The following ZCCHC14 variants were observed in gnomAD, a reference collection of about 807,000 sequenced individuals.
ZCCHC14 encodes zinc finger CCHC-type containing 14.
ZCCHC14 carries 16 observed loss-of-function variants against 85.0 expected under a neutral mutation model. The ratio of observed to expected loss-of-function variants is 0.19; its 90% CI spans 0.13 to 0.29. ZCCHC14 has a LOEUF of 0.29. Ranked by LOEUF, ZCCHC14 falls within the 10% of genes least tolerant of loss-of-function variation. The pLI is 1.00. For missense variants in ZCCHC14, 1,303 were observed against 1,443.5 expected (o/e 0.90, Z 1.58); for synonymous variants, 775 against 630.7 (o/e 1.23, Z -3.43).
chr16:87,463,234 T>C, intron 1 of ZCCHC14, among the ~76,000 whole-genome samples: 1 of 152,056 alleles, frequency 6.6e-6, no homozygotes, highest in African/African-American at 2.4e-5. Context: ...ACACAAAAAT[T>C]AGCTGGGTGT....
At chr16:87,477,571 C>T (rs1355305560) in intron 1 of ZCCHC14, among the ~76,000 whole-genome samples, 1 of 152,200 alleles carries the variant, frequency 6.6e-6, no homozygotes, top group Non-Finnish European at 1.5e-5. Flanking sequence ...TTTAACTTCA[C>T]ATAATAAAAA....
At chr16:87,469,293 G>A (rs79939106) in intron 1 of ZCCHC14, among the ~76,000 whole-genome samples, 9,675 of 152,276 alleles carry the variant, frequency 0.064, 389 homozygotes, top group Non-Finnish European at 0.1. Flanking sequence ...TGCAGTACGT[G>A]ACGTACACAG....
In ZCCHC14 at chr16:87,412,177, G is replaced by C. The variant is rs1405895499; in HGVS notation, c.2544C>G (p.Ser848Arg). 1.2e-6 allele frequency: 2 copies of C among 1,613,912 alleles called. No homozygotes were observed. Among genetic ancestry groups the C allele is most frequent in the Non-Finnish European group, 8.5e-7 (1 of 1,180,044 alleles). The change falls in exon 12 of 13, where the codon AGC becomes AGG. Residue 848 changes from serine (S) to arginine (R), a missense_variant. Ser to Arg is a moderately radical substitution (Grantham distance 110). Around this residue, in one of 7 missense-constraint regions of ZCCHC14, gnomAD observed 797 missense variants for 730.8 expected, o/e 1.09. Transcript: ENST00000671377. Reference sequence around the variant, plus strand: ...TGTTGGCAAAGGACGTGGAGGGGTGGCTGCTGGGAGAGGCAGTGTTGCTGT... The same window carrying C: ...TGTTGGCAAAGGACGTGGAGGGGTGCCTGCTGGGAGAGGCAGTGTTGCTGT... ...CANSNTASPS[S>R]HPSTSFANMA...
chr16:87,414,682 G>T, intron 9 of ZCCHC14, 141 bp from the exon 10 acceptor site: 1 of 1,200,830 alleles, frequency 8.3e-7, no homozygotes, highest in Non-Finnish European at 1.1e-6. Flanking sequence ...CCACACCACA[G>T]GGAAATTCCC....
At chr16:87,479,385 C>G (rs1912165449) in intron 1 of ZCCHC14, among the ~76,000 whole-genome samples, 1 of 150,740 alleles carries the variant, frequency 6.6e-6, no homozygotes, top group Admixed American at 6.6e-5. Flanking sequence ...CCATTGCACT[C>G]CAGCCTGGGT....
At chr16:87,418,763 C>T in intron 7 of ZCCHC14, 84 bp downstream of exon 7, 1 of 1,377,340 alleles carries the variant, frequency 7.3e-7, no homozygotes, top group South Asian at 1.2e-5. Context: ...TGACTTAATT[C>T]TTGGAACAAC....
rs754935503 is a variant in ZCCHC14, at chr16:87,460,034, T to C, written c.668A>G (p.Lys223Arg). ...SAHSTEESLP[K>R]RPLGKHSKVS... is the part of the protein sequence containing the mutation. ...TTTGCTGTGTTTTCCTAAGGGCCTC[T>C]TGGGCAGCGACTCCTCCGTGGAATG... Residue 223 changes from lysine (K) to arginine (R), a missense_variant, in exon 2 of 13, where the codon AAG (lysine) becomes AGG (arginine). Lys to Arg is a conservative substitution (Grantham distance 26). This residue lies in a region of ZCCHC14 where 389 missense variants were observed against 397.8 expected (regional missense o/e 0.98). Coordinates refer to ENST00000671377, the MANE Select transcript of ZCCHC14 (RefSeq NM_015144.3). 3.1e-6 allele frequency: 5 copies of C among 1,614,152 alleles called. No individual in the cohort carries two copies. The East Asian group carries it at 8.9e-5, about 29-fold the overall frequency.
chr16:87,478,752 G>A (rs1912135947), intron 1 of ZCCHC14, among the ~76,000 whole-genome samples: 3 of 151,870 alleles, frequency 2.0e-5, no homozygotes, highest in South Asian at 2.1e-4. Flanking sequence ...GATAACAGGC[G>A]CCCGCCACCA....
rs75704688 is a variant in ZCCHC14 at position 87,448,309 on chromosome 16, T to G, written c.694+11699A>C. ...AGTCCAATGTTAGCCTGATTCTGGT[T>G]TCTTCACAGGTGAAATCTGTTTTGT... On this transcript the variant is annotated intron_variant, in intron 2 of 12. Transcript: ENST00000671377. 1.1e-4 allele frequency among the ~76,000 whole-genome samples: 17 copies of G among 152,334 alleles called. No homozygotes were observed. In the East Asian group the frequency reaches 2.9e-3, roughly 26 times the overall value.
intron 2 of ZCCHC14, among the ~76,000 whole-genome samples, chr16:87,440,167 A>AT (rs957078108): frequency 2.9e-3 from 424 of 145,136 alleles, no homozygotes; most frequent in African/African-American, 7.7e-3. Flanking sequence ...TATGTTTACA[A>AT]TTTTTTTTTT....
intron 2 of ZCCHC14, among the ~76,000 whole-genome samples, chr16:87,458,121 G>A (rs1911065839): frequency 6.6e-6 from 1 of 152,112 alleles, no homozygotes; most frequent in Non-Finnish European, 1.5e-5. Flanking sequence ...AAAAGAATGG[G>A]GATGTCAATA....
chr16:87,460,417 C>T lies in ZCCHC14; in HGVS notation c.571-286G>A, dbSNP rs147534990. On this transcript the variant is annotated intron_variant, in intron 1 of 12. Coordinates refer to ENST00000671377, the MANE Select transcript of ZCCHC14 (RefSeq NM_015144.3). ...CTATGGTAGCCAAAGAGGCCGGGCA[C>T]GGTGGCTCACGCCTGTTATCCCAGC... 2.1e-3 allele frequency among the ~76,000 whole-genome samples: 315 copies of T among 152,160 alleles called. 5 individuals are homozygous for T. Among genetic ancestry groups the T allele is most frequent in the Admixed American group, 0.019 (284 of 15,268 alleles).
rs1001417632 is a variant in ZCCHC14 at position 87,491,371 on chromosome 16, G to C, written c.570+298C>G. Among the ~76,000 whole-genome samples, 1 of 152,162 alleles carries C rather than the reference G, an allele frequency of 6.6e-6. No individual in the cohort carries two copies. Among genetic ancestry groups the C allele is most frequent in the African/African-American group, 2.4e-5 (1 of 41,424 alleles). On this transcript the variant is annotated intron_variant, in intron 1 of 12. Transcript: ENST00000671377. This position sits in a 1 kb window ranked among gnomAD's most constrained non-coding sequence, Gnocchi z 5.9. Reference sequence around the variant, plus strand: ...AGTGCAGACTTAGGGTGAGGAGTGCGGGCTTAGGATGGGGGCTTGGGATGT... The same window carrying C: ...AGTGCAGACTTAGGGTGAGGAGTGCCGGCTTAGGATGGGGGCTTGGGATGT...
chr16:87,412,487 G>C lies in ZCCHC14; in HGVS notation c.2234C>G (p.Thr745Arg). 6.2e-7 allele frequency: 1 copy of C among 1,614,024 alleles called. No individual in the cohort carries two copies. Among genetic ancestry groups the C allele is most frequent in the Non-Finnish European group, 8.5e-7 (1 of 1,180,020 alleles). ...HASTLDRVLK[T>R]AQQPALVVET... Reference sequence around the variant, plus strand: ...CACGACCAGGGCCGGTTGCTGTGCTGTCTTCAGCACCCTGTCCAGCGTGGA... The same window carrying C: ...CACGACCAGGGCCGGTTGCTGTGCTCTCTTCAGCACCCTGTCCAGCGTGGA... Residue 745 changes from threonine to arginine, a missense_variant, in exon 12 of 13, where the codon ACA becomes AGA. Transcript: ENST00000671377.
rs1212436471 is a variant in ZCCHC14, at chr16:87,417,976, A to C, written c.1101-234T>G. ...CATGTCTGTGCACACGTGTGCATAC[A>C]GGCGGCTGTGCATATACACACACAT... On this transcript the variant is annotated intron_variant, in intron 7 of 12. Transcript: ENST00000671377. 5 of 539,424 alleles carry C rather than the reference A, an allele frequency of 9.3e-6. No individual in the cohort carries two copies. The East Asian group carries it at 1.4e-4, about 15-fold the overall frequency. The allele number at this position is 539,424 out of a possible 1,614,324, so 33.4% of individuals were successfully genotyped here.
intron 1 of ZCCHC14, among the ~76,000 whole-genome samples, chr16:87,480,169 T>A (rs1264305980): frequency 6.6e-6 from 1 of 152,070 alleles, no homozygotes; most frequent in African/African-American, 2.4e-5. Context: ...TTTGGGAGGC[T>A]GAGGCAGGCG....
At chr16:87,443,789 C>T (rs1910298045) in intron 2 of ZCCHC14, among the ~76,000 whole-genome samples, 1 of 151,924 alleles carries the variant, frequency 6.6e-6, no homozygotes, top group African/African-American at 2.4e-5. Context: ...ATAATCCCAG[C>T]ACTTTGGGAG....
rs1397195153 is a variant in ZCCHC14, at chr16:87,423,879, G to C, written c.771C>G (p.Val257=). The C allele has an allele frequency of 2.5e-6, 4 of 1,613,842 alleles. No homozygotes were observed. Among genetic ancestry groups the C allele is most frequent in the Non-Finnish European group, 3.4e-6 (4 of 1,179,948 alleles). ...NDRNVECSFE[V]LWSDSSITSV... ...ATGTTATTGAAGAATCAGACCACAA[G>C]ACCTTAAAAACAAACAAACAAACAA... The change falls in exon 4 of 13, where the codon GTC becomes GTG. Residue 257 remains valine (V), a splice_region_variant and synonymous_variant. Coordinates refer to ENST00000671377, the MANE Select transcript of ZCCHC14 (RefSeq NM_015144.3).
At chr16:87,458,339 C>T (rs1258595687) in intron 2 of ZCCHC14, among the ~76,000 whole-genome samples, 1 of 152,158 alleles carries the variant, frequency 6.6e-6, no homozygotes, top group Non-Finnish European at 1.5e-5. Context: ...CAAGTGTCCG[C>T]TCTGGGGTTG....
Sources: allele counts gnomAD v4.1 joint callset (sites outside exome capture counted in the v4.1 genomes callset), GRCh38; gene constraint gnomAD v4.1.1; regional missense constraint gnomAD v4.1.1; non-coding constraint Gnocchi (gnomAD v3.1); transcripts MANE v1.5; gene names NCBI Gene and HGNC (gene_info 2026-07-23, HGNC 2026-07-21).